SDK2: variants seen among roughly 807,000 people sequenced by gnomAD.
SDK2 encodes protein sidekick-2.
A neutral mutation model predicts 253.9 loss-of-function variants in SDK2; 105 were observed. The ratio of observed to expected loss-of-function variants is 0.41; its 90% CI spans 0.35 to 0.49. The LOEUF (loss-of-function observed/expected upper bound fraction) is 0.49. SDK2 is among the 20% of genes least tolerant of loss of function. The probability of loss-of-function intolerance (pLI) is 0.06; values close to 1 mark genes in which losing one functional copy is unlikely to be tolerated. For synonymous variants in SDK2, 1,249 were observed against 1,234.9 expected (o/e 1.01, Z -0.24); for missense variants, 2,608 against 3,003.0 (o/e 0.87, Z 3.07).
intron 1 of SDK2, among the ~76,000 whole-genome samples, chr17:73,610,163 C>G: frequency 6.6e-6 from 1 of 152,312 alleles, no homozygotes; most frequent in Non-Finnish European, 1.5e-5. Flanking sequence ...TCCAGGGATC[C>G]CCAGTCAGAG....
chr17:73,338,087 A>T lies in SDK2; in HGVS notation c.*500T>A. The T allele has an allele frequency of 4.2e-6, 1 of 240,376 alleles. No homozygotes were observed. The highest frequency in any genetic ancestry group is 4.5e-5 in the South Asian group (1 of 22,450). The allele number at this position is 240,376 out of a possible 1,614,324, so 14.9% of individuals were successfully genotyped here. ...ACAGTGATGGTGCATGGAGGGAAGGAGGAGCAGAGAGAGAAGATAGGCGTG... is the reference window on the plus strand; with the variant it reads ...ACAGTGATGGTGCATGGAGGGAAGGTGGAGCAGAGAGAGAAGATAGGCGTG... On this transcript the variant is annotated 3_prime_UTR_variant, in exon 45 of 45. Coordinates refer to ENST00000392650, the MANE Select transcript of SDK2 (RefSeq NM_001144952.2). The surrounding 1 kb of genome is among the most constrained non-coding windows in gnomAD (Gnocchi z 5.0).
At position 73,609,631 on chromosome 17, in the gene SDK2, A is replaced by T. The variant is rs186714153; in HGVS notation, c.64+34394T>A. Reference sequence around the variant, plus strand: ...TTGTTTTTTCAAGATGGGAGAAATCACAAAGCATTTCTCTGCTAATGGGAA... The same window carrying T: ...TTGTTTTTTCAAGATGGGAGAAATCTCAAAGCATTTCTCTGCTAATGGGAA... On this transcript the variant is annotated intron_variant, in intron 1 of 44. Coordinates refer to ENST00000392650, the MANE Select transcript of SDK2 (RefSeq NM_001144952.2). The surrounding 1 kb of genome is among the most constrained non-coding windows in gnomAD (Gnocchi z 4.4). Among the ~76,000 whole-genome samples, 1 of 152,338 alleles carries T rather than the reference A, an allele frequency of 6.6e-6. No individual in the cohort carries two copies. Among genetic ancestry groups the T allele is most frequent in the East Asian group, 1.9e-4 (1 of 5,184 alleles).
At chr17:73,543,768 C>G (rs972194044) in intron 1 of SDK2, among the ~76,000 whole-genome samples, 3 of 152,236 alleles carry the variant, frequency 2.0e-5, no homozygotes, top group Non-Finnish European at 4.4e-5. Context: ...AAGGGCCAGG[C>G]CCGCCCTCCA....
Position 73,388,172 on chromosome 17 carries a change from G to A in SDK2, c.4193-135C>T, listed in dbSNP as rs375461723. The A allele has an allele frequency of 7.3e-4, 480 of 660,366 alleles. 8 individuals are homozygous for A. Among genetic ancestry groups the A allele is most frequent in the South Asian group, 6.3e-3 (344 of 54,852 alleles). The allele number at this position is 660,366 out of a possible 1,614,324, so 40.9% of individuals were successfully genotyped here. ...CCCTTCCCATCCCAATTCCATGCAC[G>A]CAGGATCCTTGCAGGTTCTCACACC... On this transcript the variant is annotated intron_variant, in intron 29 of 44. Transcript: ENST00000392650.
At chr17:73,577,196 G>C (rs532500246) in intron 1 of SDK2, among the ~76,000 whole-genome samples, 1 of 152,316 alleles carries the variant, frequency 6.6e-6, no homozygotes, top group Non-Finnish European at 1.5e-5. Flanking sequence ...GAAGAGTGAA[G>C]GAATTTCATC....
chr17:73,487,059 G>C (rs530891988), intron 2 of SDK2, among the ~76,000 whole-genome samples: 6 of 151,930 alleles, frequency 3.9e-5, no homozygotes, highest in Admixed American at 3.9e-4. Flanking sequence ...TCAGCCTCCC[G>C]AGTAGCTGGG....
chr17:73,489,254 G>A (rs565761715), intron 2 of SDK2, among the ~76,000 whole-genome samples: 1 of 152,282 alleles, frequency 6.6e-6, no homozygotes, highest in Admixed American at 6.5e-5. Context: ...TGCTACCCAC[G>A]AAGACAATAG....
At chr17:73,514,661 C>T (rs2064009153) in intron 1 of SDK2, among the ~76,000 whole-genome samples, 1 of 152,196 alleles carries the variant, frequency 6.6e-6, no homozygotes, top group South Asian at 2.1e-4. Context: ...CAAGCCTGGA[C>T]AAACTCCCTT....
chr17:73,395,129 G>C lies in SDK2; in HGVS notation c.3592+26C>G. The C allele has an allele frequency of 6.5e-7, 1 of 1,541,246 alleles. No homozygotes were observed. The highest frequency in any genetic ancestry group is 1.2e-5 in the South Asian group (1 of 84,632). On this transcript the variant is annotated intron_variant, in intron 25 of 44. Transcript: ENST00000392650. This position sits in a 1 kb window ranked among gnomAD's most constrained non-coding sequence, Gnocchi z 4.3. ...AGACCAAGGAGGGGACAGGCAGCAG[G>C]GTGGCTGGGTGTGAGGGGTTGGTAC...
At chr17:73,545,115 A>ACACACACG (rs1555601171) in intron 1 of SDK2, among the ~76,000 whole-genome samples, 51 of 151,878 alleles carry the variant, frequency 3.4e-4, no homozygotes, top group Non-Finnish European at 2.9e-5. Context: ...ACACACACAC[A>ACACACACG]CACACACACA....
rs2062953098 is a variant in SDK2, at chr17:73,394,304, T to C, written c.3613A>G (p.Asn1205Asp). ...RESVPSSGPT[N>D]VSALATTSSS... Reference sequence around the variant, plus strand: ...GAGGTGGTGGCCAGTGCAGACACATTGGTGGGGCCGGAAGAGGGAACTGTG... The same window carrying C: ...GAGGTGGTGGCCAGTGCAGACACATCGGTGGGGCCGGAAGAGGGAACTGTG... Residue 1205 changes from asparagine to aspartate, a missense_variant, in exon 26 of 45, where the codon AAT (asparagine) becomes GAT (aspartate). Around this residue, in one of 2 missense-constraint regions of SDK2, gnomAD observed 1,505 missense variants for 1,859.1 expected, o/e 0.81. Coordinates refer to ENST00000392650, the MANE Select transcript of SDK2 (RefSeq NM_001144952.2). The C allele has an allele frequency of 6.3e-7, 1 of 1,592,948 alleles. No individual in the cohort carries two copies. Among genetic ancestry groups the C allele is most frequent in the Non-Finnish European group, 8.6e-7 (1 of 1,167,090 alleles).
intron 1 of SDK2, among the ~76,000 whole-genome samples, chr17:73,603,101 G>C (rs1293242898): frequency 6.6e-6 from 1 of 152,128 alleles, no homozygotes. Context: ...CACCCTCCCA[G>C]GTTGTGACAA....
chr17:73,567,233 C>G (rs1307435378), intron 1 of SDK2, among the ~76,000 whole-genome samples: 2 of 152,228 alleles, frequency 1.3e-5, no homozygotes, highest in Admixed American at 1.3e-4. Flanking sequence ...CCCCAGGTAC[C>G]ATTCAGGGCT....
chr17:73,631,791 A>G (rs1231972576), intron 1 of SDK2, among the ~76,000 whole-genome samples: 1 of 152,214 alleles, frequency 6.6e-6, no homozygotes, highest in Non-Finnish European at 1.5e-5. Context: ...TGGGAGCCTC[A>G]GCTCTTCTGG....
In SDK2 at chr17:73,447,532, A is replaced by T; in HGVS notation, c.613+83T>A. On this transcript the variant is annotated intron_variant, in intron 5 of 44. Transcript: ENST00000392650. This position sits in a 1 kb window ranked among gnomAD's most constrained non-coding sequence, Gnocchi z 4.0. ...CCCTGTCCCCCTCCTCTGCCACTCCATCTTCCCAATGATCCCCTGGAGCAC... is the reference window on the plus strand; with the variant it reads ...CCCTGTCCCCCTCCTCTGCCACTCCTTCTTCCCAATGATCCCCTGGAGCAC... 6.6e-7 allele frequency: 1 copy of T among 1,519,646 alleles called. No individual in the cohort carries two copies. The highest frequency in any genetic ancestry group is 8.9e-7 in the Non-Finnish European group (1 of 1,124,322). 94.1% of individuals were successfully genotyped at this position (1,519,646 alleles called of 1,614,324 possible).
chr17:73,353,474 G>A (rs561022822), intron 40 of SDK2, among the ~76,000 whole-genome samples: 1 of 152,260 alleles, frequency 6.6e-6, no homozygotes, highest in Non-Finnish European at 1.5e-5. Flanking sequence ...AGGCTGGAGT[G>A]CAATGGCAGG....
intron 1 of SDK2, among the ~76,000 whole-genome samples, chr17:73,620,242 AGAG>A (rs1440285587): frequency 1.3e-5 from 2 of 151,770 alleles, no homozygotes; most frequent in African/African-American, 4.8e-5. Context: ...AAATTTCTCC[AGAG>A]AAGATATACA....
chr17:73,433,305 C>T (rs1257479969), intron 10 of SDK2, among the ~76,000 whole-genome samples: 5 of 150,912 alleles, frequency 3.3e-5, no homozygotes, highest in African/African-American at 7.3e-5. Flanking sequence ...TTTTTTGAGA[C>T]GGAGTCTCGC....
intron 36 of SDK2, chr17:73,369,221 AC>A: frequency 6.4e-6 from 3 of 467,972 alleles, no homozygotes; most frequent in Middle Eastern, 3.3e-4. Flanking sequence ...AATCCGTCCT[AC>A]GGGAGGCTGA....
Sources: gnomAD v4.1 joint callset for allele counts (sites outside exome capture counted in the v4.1 genomes callset) on GRCh38, gnomAD v4.1.1 for gene constraint, gnomAD v4.1.1 regional missense constraint, Gnocchi (gnomAD v3.1) non-coding constraint, MANE v1.5 for transcripts, NCBI Gene and HGNC (gene_info 2026-07-23, HGNC 2026-07-21) for gene names.